Variants in KLRK1 observed in about 807,000 individuals in gnomAD.
The protein encoded by KLRK1 is killer cell lectin like receptor K1, also known as NKG2-D type II integral membrane protein.
KLRK1 carries 40 observed loss-of-function variants against 31.3 expected under a neutral mutation model. The ratio of observed to expected loss-of-function variants is 1.28; its 90% CI spans 0.99 to 1.67. The LOEUF (loss-of-function observed/expected upper bound fraction) is 1.67. KLRK1 is among the 40% of genes most tolerant of loss of function. The pLI, the probability that KLRK1 is intolerant of heterozygous loss-of-function variation, is 0.00. For synonymous variants in KLRK1, 77 were observed against 77.3 expected, an observed-to-expected ratio of 1.00 and a Z score of 0.02; for missense variants, 251 against 260.0, an observed-to-expected ratio of 0.97 and a Z score of 0.24.
chr12:10,385,397 G>C (rs1392636262), intron 3 of KLRK1, among the ~76,000 whole-genome samples: 8 of 69,326 alleles, frequency 1.2e-4, no homozygotes, highest in South Asian at 7.7e-4. Flanking sequence ...CACACACACA[G>C]AGGAATACCA....
chr12:10,382,971 T>A (rs1863103907), intron 3 of KLRK1, among the ~76,000 whole-genome samples: 1 of 152,102 alleles, frequency 6.6e-6, no homozygotes, highest in Admixed American at 6.5e-5. Flanking sequence ...GATGTCCTTG[T>A]AAGTCTCACA....
At chr12:10,374,308 C>A (rs796856887) in intron 7 of KLRK1, among the ~76,000 whole-genome samples, 2 of 152,154 alleles carry the variant, frequency 1.3e-5, no homozygotes, top group African/African-American at 2.4e-5. Flanking sequence ...CCACTGCACC[C>A]GGCCCCAGCT....
chr12:10,387,317 G>C (rs1330492701), intron 2 of KLRK1, among the ~76,000 whole-genome samples: 1 of 152,084 alleles, frequency 6.6e-6, no homozygotes, highest in African/African-American at 2.4e-5. Flanking sequence ...TAGTGAAAAG[G>C]CAGATGTAGG....
chr12:10,387,474 T>C (rs1159655259), intron 2 of KLRK1, among the ~76,000 whole-genome samples: 3 of 151,808 alleles, frequency 2.0e-5, no homozygotes, highest in Non-Finnish European at 4.4e-5. Flanking sequence ...CCAGTATGGG[T>C]ATTTTAAAAA....
At chr12:10,375,166 C>T (rs1862940737) in intron 7 of KLRK1, among the ~76,000 whole-genome samples, 1 of 152,128 alleles carries the variant, frequency 6.6e-6, no homozygotes, top group Non-Finnish European at 1.5e-5. Context: ...CTACAATAAA[C>T]ACAAGGGGAA....
At chr12:10,380,780 G>A (rs1863059876) in intron 3 of KLRK1, among the ~76,000 whole-genome samples, 1 of 152,096 alleles carries the variant, frequency 6.6e-6, no homozygotes, top group Non-Finnish European at 1.5e-5. Flanking sequence ...CCACATAACT[G>A]CATTATTCCA....
intron 6 of KLRK1, 73 bp downstream of exon 6, chr12:10,378,481 G>A: frequency 1.9e-6 from 3 of 1,582,024 alleles, no homozygotes; most frequent in Non-Finnish European, 2.6e-6. Flanking sequence ...ATATGTTCTA[G>A]GTTCATATTC....
chr12:10,373,675 C>T (rs1418904083), intron 7 of KLRK1, among the ~76,000 whole-genome samples: 2 of 129,684 alleles, frequency 1.5e-5, no homozygotes, highest in Non-Finnish European at 1.7e-5. Context: ...CATACATACA[C>T]ACATTCACAA....
rs766152514 is a variant in KLRK1 at position 10,378,168 on chromosome 12, C to A, written c.497G>T (p.Trp166Leu). The A allele has an allele frequency of 6.2e-7, 1 of 1,614,120 alleles. No homozygotes were observed. The highest frequency in any genetic ancestry group is 1.3e-5 in the African/African-American group (1 of 75,052). Residue 166 changes from tryptophan (W) to leucine (L), a missense_variant, in exon 7 of 8, where the codon TGG becomes TTG. By Grantham distance (61) the Trp-to-Leu change is moderately conservative (BLOSUM62 -2). Transcript: ENST00000240618. ...GAGAATGGAGCCATCTTCCCACTGC[C>A]AAGATCCATTTGTTGGAATGTGTAC... ...GLVHIPTNGS[W>L]QWEDGSILSP...
At chr12:10,388,061 A>T (rs1863200531) in intron 2 of KLRK1, among the ~76,000 whole-genome samples, 1 of 152,170 alleles carries the variant, frequency 6.6e-6, no homozygotes. Flanking sequence ...GGTTTGTTAC[A>T]TATGTAAATT....
chr12:10,383,058 C>T (rs1863105962), intron 3 of KLRK1, among the ~76,000 whole-genome samples: 1 of 151,884 alleles, frequency 6.6e-6, no homozygotes, highest in Non-Finnish European at 1.5e-5. Context: ...CCAGAGAAAG[C>T]AACTTAATCA....
intron 7 of KLRK1, among the ~76,000 whole-genome samples, chr12:10,374,787 A>C (rs1385768075): frequency 6.6e-6 from 1 of 152,090 alleles, no homozygotes; most frequent in South Asian, 2.1e-4. Flanking sequence ...ACTACACTGG[A>C]TTATTTGTTT....
intron 2 of KLRK1, 21 bp downstream of exon 2, chr12:10,388,750 A>G (rs745809190): frequency 6.2e-7 from 1 of 1,612,988 alleles, no homozygotes; most frequent in Admixed American, 1.7e-5. Flanking sequence ...AAAACTACAC[A>G]CTTATGTGGT....
rs552793917 is a variant in KLRK1, at chr12:10,372,698, T to G, written c.*416A>C. 1 of 212,516 alleles carries G rather than the reference T, an allele frequency of 4.7e-6. No individual in the cohort carries two copies. Among genetic ancestry groups the G allele is most frequent in the Non-Finnish European group, 9.3e-6 (1 of 108,090 alleles). The allele number at this position is 212,516 out of a possible 1,614,324, so 13.2% of individuals were successfully genotyped here. A position where few individuals can be genotyped will look rare whatever the true frequency, so the allele number is the denominator to read the frequency against. On this transcript the variant is annotated 3_prime_UTR_variant, in exon 8 of 8. Coordinates refer to ENST00000240618, the MANE Select transcript of KLRK1 (RefSeq NM_007360.4). ...CCACAGGCAGGGAAGGCACTGCCCATGCTGTGTCTCTCTGCTGTGGCCCTG... is the reference window on the plus strand; with the variant it reads ...CCACAGGCAGGGAAGGCACTGCCCAGGCTGTGTCTCTCTGCTGTGGCCCTG...
intron 7 of KLRK1, among the ~76,000 whole-genome samples, chr12:10,374,395 C>CTTTTTTTTT (rs1412379809): frequency 1.6e-4 from 15 of 93,958 alleles, no homozygotes; most frequent in African/African-American, 6.3e-4. Context: ...TTTCCTCTCT[C>CTTTTTTTTT]TCTTTTTTTT....
At chr12:10,377,825 C>A (rs1452454736) in intron 7 of KLRK1, among the ~76,000 whole-genome samples, 10 of 151,982 alleles carry the variant, frequency 6.6e-5, no homozygotes, top group Admixed American at 6.5e-4. Flanking sequence ...GTAATAAATT[C>A]AAAAAGAAAT....
rs1009463769 is a variant in KLRK1 at position 10,383,835 on chromosome 12, C to T, written c.148+3068G>A. Reference sequence around the variant, plus strand: ...ATGGAATAAAACTAGAAATTGATAACGAGGAACTTTGGAAACTGCACAGAT... The same window carrying T: ...ATGGAATAAAACTAGAAATTGATAATGAGGAACTTTGGAAACTGCACAGAT... On this transcript the variant is annotated intron_variant, in intron 3 of 7. Coordinates refer to ENST00000240618, the MANE Select transcript of KLRK1 (RefSeq NM_007360.4). Among the ~76,000 whole-genome samples, 10 of 151,844 alleles carry T rather than the reference C, an allele frequency of 6.6e-5. No homozygotes were observed. In the East Asian group the frequency reaches 9.6e-4, roughly 15 times the overall value.
Position 10,378,550 on chromosome 12 carries a change from C to T in KLRK1, c.429+4G>A. On this transcript the variant is annotated splice_donor_region_variant and intron_variant, in intron 6 of 7. Transcript: ENST00000240618. ...AGGATGGGAAATTAAAATAAATACT[C>T]AACCTGGTCCTCTTTGCTGTATACT... 1 of 1,608,590 alleles carries T rather than the reference C, an allele frequency of 6.2e-7. No homozygotes were observed. Among genetic ancestry groups the T allele is most frequent in the Non-Finnish European group, 8.5e-7 (1 of 1,178,900 alleles).
chr12:10,388,662 AAAG>A (rs1863211880), intron 2 of KLRK1, 106 bp downstream of exon 2: 1 of 1,228,974 alleles, frequency 8.1e-7, no homozygotes, highest in Admixed American at 2.0e-5. Context: ...TAGAACATGA[AAAG>A]AATCAGAGTA....
Sources: allele counts gnomAD v4.1 joint callset (sites outside exome capture counted in the v4.1 genomes callset), GRCh38; gene constraint gnomAD v4.1.1; transcripts MANE v1.5; gene names NCBI Gene and HGNC (gene_info 2026-07-23, HGNC 2026-07-21).